The following TAPT1 variants were observed in gnomAD, a reference collection of about 807,000 sequenced individuals.
The protein encoded by TAPT1 is transmembrane anterior posterior transformation 1.
TAPT1 carries 28 observed loss-of-function variants against 65.6 expected under a neutral mutation model. That is an observed-to-expected ratio of 0.43 (90% CI 0.32 to 0.59). TAPT1 has a LOEUF of 0.59. Ranked by LOEUF, TAPT1 falls within the 20% of genes least tolerant of loss-of-function variation. The pLI, the probability that TAPT1 is intolerant of heterozygous loss-of-function variation, is 0.09. For missense variants in TAPT1, 563 were observed against 679.9 expected, an observed-to-expected ratio of 0.83 and a Z score of 1.91; for synonymous variants, 278 against 245.2, an observed-to-expected ratio of 1.13 and a Z score of -1.25.
intron 2 of TAPT1, among the ~76,000 whole-genome samples, chr4:16,209,609 T>C (rs1750543924): frequency 6.6e-6 from 1 of 152,156 alleles, no homozygotes; most frequent in Admixed American, 6.5e-5. Context: ...ACCTGATGCA[T>C]GGTAAACTGT....
At chr4:16,175,466 C>T (rs1054958838) in intron 9 of TAPT1, among the ~76,000 whole-genome samples, 5 of 152,058 alleles carry the variant, frequency 3.3e-5, no homozygotes, top group Admixed American at 1.3e-4. Flanking sequence ...ACAAATATTA[C>T]TGTGAGACTG....
At chr4:16,218,752 C>G (rs1161398416) in intron 1 of TAPT1, among the ~76,000 whole-genome samples, 1 of 152,224 alleles carries the variant, frequency 6.6e-6, no homozygotes, top group Non-Finnish European at 1.5e-5. Context: ...TCAACTACTT[C>G]ATATTAACTT....
chr4:16,174,792 G>T, intron 9 of TAPT1, 63 bp from the exon 10 acceptor site: 2 of 1,145,502 alleles, frequency 1.7e-6, no homozygotes, highest in Non-Finnish European at 2.4e-6. Context: ...TGGAAAGACT[G>T]CAACTTTATT....
At chr4:16,187,666 G>A (rs1435322952) in intron 5 of TAPT1, among the ~76,000 whole-genome samples, 2 of 151,964 alleles carry the variant, frequency 1.3e-5, no homozygotes, top group African/African-American at 4.8e-5. Flanking sequence ...TTAAGAGCAG[G>A]AATGTGTGTA....
chr4:16,168,355 C>G (rs1354283183), intron 12 of TAPT1, among the ~76,000 whole-genome samples: 2 of 152,144 alleles, frequency 1.3e-5, no homozygotes, highest in Non-Finnish European at 2.9e-5. Context: ...AGCAATCCTC[C>G]CACCCAGCCT....
chr4:16,217,891 C>T (rs1257572451), intron 1 of TAPT1, among the ~76,000 whole-genome samples: 2 of 152,166 alleles, frequency 1.3e-5, no homozygotes, highest in South Asian at 2.1e-4. Context: ...GGTAACCCAA[C>T]GGGTACCTGA....
chr4:16,227,028 C>T (rs1751626667), upstream of TAPT1: 1 of 453,782 alleles, frequency 2.2e-6, no homozygotes, highest in Admixed American at 2.4e-5. Context: ...GATCACCGAC[C>T]CCCACGAGCG....
At chr4:16,222,252 CA>C (rs1751295550) in intron 1 of TAPT1, among the ~76,000 whole-genome samples, 1 of 152,122 alleles carries the variant, frequency 6.6e-6, no homozygotes, top group African/African-American at 2.4e-5. Context: ...TGTCAAAAGC[CA>C]AGACACTGAA....
chr4:16,168,803 C>G (rs1747806295), intron 12 of TAPT1, among the ~76,000 whole-genome samples: 1 of 152,256 alleles, frequency 6.6e-6, no homozygotes, highest in African/African-American at 2.4e-5. Flanking sequence ...AGCCCTAGAC[C>G]AGCCCAGGCC....
At chr4:16,226,561 CCG>C, upstream of TAPT1, 1 of 771,816 alleles carries the variant, frequency 1.3e-6, no homozygotes, top group South Asian at 5.6e-5. Flanking sequence ...CGAGCCGCCG[CCG>C]CCGCCGCCGC....
Position 16,186,535 on chromosome 4 carries a change from C to T in TAPT1, c.916G>A (p.Asp306Asn), listed in dbSNP as rs756821981. ...TCAAGTAGAATCTAATTGTACATAC[C>T]GCTATTTGACATTTGAAAGAGATTG... ...KNNLFQMSNS[D>N]IKERFTNYVL... is the part of the protein sequence containing the mutation. Residue 306 changes from aspartate to asparagine, a missense_variant and splice_region_variant, in exon 7 of 14, where the codon GAT becomes AAT. Transcript: ENST00000405303. 3 of 1,523,130 alleles carry T rather than the reference C, an allele frequency of 2.0e-6. No individual in the cohort carries two copies. Among genetic ancestry groups the T allele is most frequent in the Non-Finnish European group, 1.8e-6 (2 of 1,121,940 alleles). The allele number at this position is 1,523,130 out of a possible 1,614,324, so 94.4% of individuals were successfully genotyped here. A position where few individuals can be genotyped will look rare whatever the true frequency, so the allele number is the denominator to read the frequency against.
intron 2 of TAPT1, 107 bp from the exon 3 acceptor site, chr4:16,202,687 T>G: frequency 1.6e-6 from 1 of 609,860 alleles, no homozygotes; most frequent in Non-Finnish European, 2.8e-6. Flanking sequence ...AATTAATTTC[T>G]TAAAACTTAG....
intron 1 of TAPT1, among the ~76,000 whole-genome samples, chr4:16,224,266 C>G (rs887205994): frequency 6.6e-6 from 1 of 152,094 alleles, no homozygotes; most frequent in Admixed American, 6.6e-5. Flanking sequence ...GGAAGGATTA[C>G]AGAGCAGGGG....
At chr4:16,164,470 A>T (rs1217497769) in intron 13 of TAPT1, among the ~76,000 whole-genome samples, 2 of 152,180 alleles carry the variant, frequency 1.3e-5, no homozygotes, top group Non-Finnish European at 2.9e-5. Flanking sequence ...TCAGGTCGTC[A>T]TCCTGAATGT....
At chr4:16,188,477 AGAG>A in intron 4 of TAPT1, 122 bp from the exon 5 acceptor site, 1 of 708,928 alleles carries the variant, frequency 1.4e-6, no homozygotes, top group Non-Finnish European at 2.2e-6. Context: ...GGCAAGCTAA[AGAG>A]GAGTGAGGAT....
chr4:16,186,822 A>G lies in TAPT1; in HGVS notation c.805T>C (p.Ser269Pro). 6.2e-7 allele frequency: 1 copy of G among 1,611,636 alleles called. No individual in the cohort carries two copies. Among genetic ancestry groups the G allele is most frequent in the Non-Finnish European group, 8.5e-7 (1 of 1,178,052 alleles). The change falls in exon 6 of 14, where the codon TCA becomes CCA. Residue 269 changes from serine to proline, a missense_variant. Physicochemically the swap from Ser to Pro is moderately conservative, Grantham distance 74. This residue lies in a region of TAPT1 where 217 missense variants were observed against 317.5 expected (regional missense o/e 0.68). Transcript: ENST00000405303. ...ATAGTAAGCAAAGACTTGTTGTGTG[A>G]GTTAAAAGCTACATTGAGAGTTGTT... The part of the protein sequence containing the change: ...QATTLNVAFN[S>P]HNKSLLTIMM...
intron 13 of TAPT1, among the ~76,000 whole-genome samples, chr4:16,164,276 TGTA>T (rs1379035572): frequency 6.6e-6 from 1 of 152,172 alleles, no homozygotes. Flanking sequence ...CCAGCTCTCT[TGTA>T]GTAATCCCTC....
At chr4:16,189,972 A>T (rs939262135) in intron 4 of TAPT1, 5 of 152,326 alleles carry the variant, frequency 3.3e-5, no homozygotes, top group Non-Finnish European at 7.3e-5. Context: ...GGCTCTTTCT[A>T]TGAGAAGGAA....
chr4:16,191,599 T>C (rs1749376720), intron 3 of TAPT1, 76 bp from the exon 4 acceptor site: 2 of 1,369,190 alleles, frequency 1.5e-6, no homozygotes, highest in South Asian at 1.5e-5. Flanking sequence ...CTTTACTCGA[T>C]ATACACTGGC....
Sources: gnomAD v4.1 joint callset for allele counts (sites outside exome capture counted in the v4.1 genomes callset) on GRCh38, gnomAD v4.1.1 for gene constraint, gnomAD v4.1.1 regional missense constraint, MANE v1.5 for transcripts, NCBI Gene and HGNC (gene_info 2026-07-23, HGNC 2026-07-21) for gene names.